The following IQCJ variants were observed in gnomAD, a reference collection of about 807,000 sequenced individuals.
IQCJ encodes the protein IQ motif containing J.
Under a neutral mutation model 11.0 loss-of-function variants are expected in IQCJ, and 9 were observed. The observed-to-expected ratio is 0.82, with a 90% CI of 0.49 to 1.43. The LOEUF is 1.43. Among genes scored for constraint, IQCJ ranks in the 40% most tolerant of loss-of-function variants. IQCJ has a pLI of 0.00. For synonymous variants in IQCJ, 55 were observed against 51.3 expected, an observed-to-expected ratio of 1.07 and a Z score of -0.31; for missense variants, 146 against 133.2, an observed-to-expected ratio of 1.10 and a Z score of -0.47.
At chr3:159,156,220 T>C (rs1721514112) in intron 1 of IQCJ, among the ~76,000 whole-genome samples, 1 of 152,174 alleles carries the variant, frequency 6.6e-6, no homozygotes, top group Non-Finnish European at 1.5e-5. Flanking sequence ...AAGACAAAAC[T>C]AGATCCTGTT....
chr3:159,173,422 T>A (rs1722607446), intron 1 of IQCJ, among the ~76,000 whole-genome samples: 1 of 152,198 alleles, frequency 6.6e-6, no homozygotes, highest in African/African-American at 2.4e-5. Context: ...AGAAACGTGT[T>A]GATTTATAAA....
At chr3:159,217,655 A>G (rs116276640) in intron 1 of IQCJ, among the ~76,000 whole-genome samples, 1,531 of 152,144 alleles carry the variant, frequency 0.01, 18 homozygotes, top group African/African-American at 0.035. Flanking sequence ...ACATTCTTCT[A>G]CTTTGTTTCC....
At chr3:159,149,104 C>A (rs901676750) in intron 1 of IQCJ, among the ~76,000 whole-genome samples, 3 of 152,030 alleles carry the variant, frequency 2.0e-5, no homozygotes. Context: ...TAATTTTTAT[C>A]CAATCTACAT....
At chr3:159,242,267 C>A (rs1726968463) in intron 1 of IQCJ, among the ~76,000 whole-genome samples, 2 of 152,096 alleles carry the variant, frequency 1.3e-5, no homozygotes, top group South Asian at 4.2e-4. Flanking sequence ...TGATGGAAAA[C>A]CACTGAATTA....
At chr3:159,234,093 AT>A (rs1366716775) in intron 1 of IQCJ, among the ~76,000 whole-genome samples, 1 of 152,176 alleles carries the variant, frequency 6.6e-6, no homozygotes, top group African/African-American at 2.4e-5. Flanking sequence ...TACAGTTTAG[AT>A]TCTGGGATCA....
intron 1 of IQCJ, among the ~76,000 whole-genome samples, chr3:159,196,773 T>G (rs931725874): frequency 6.6e-6 from 1 of 152,194 alleles, no homozygotes; most frequent in Admixed American, 6.5e-5. Flanking sequence ...CACTGAGATG[T>G]TATGTAACTT....
intron 1 of IQCJ, among the ~76,000 whole-genome samples, chr3:159,079,752 A>G (rs924282119): frequency 6.6e-6 from 1 of 152,128 alleles, no homozygotes; most frequent in Admixed American, 6.6e-5. Flanking sequence ...ATGGTTGCTT[A>G]GTATTTGATC....
At chr3:159,144,929 C>T (rs781501696) in intron 1 of IQCJ, among the ~76,000 whole-genome samples, 1 of 152,176 alleles carries the variant, frequency 6.6e-6, no homozygotes, top group Non-Finnish European at 1.5e-5. Context: ...TCTTCTAGTA[C>T]TGCTCACAGA....
intron 1 of IQCJ, among the ~76,000 whole-genome samples, chr3:159,120,893 T>G (rs1719330147): frequency 6.6e-6 from 1 of 152,240 alleles, no homozygotes; most frequent in South Asian, 2.1e-4. Flanking sequence ...TTTCTGGGTT[T>G]ATATTCATTG....
At chr3:159,246,607 G>T (rs756789844) in intron 2 of IQCJ, among the ~76,000 whole-genome samples, 3 of 152,128 alleles carry the variant, frequency 2.0e-5, no homozygotes, top group Non-Finnish European at 4.4e-5. Flanking sequence ...TAGTCAAGCT[G>T]GTTGGGTGTC....
chr3:159,228,745 G>C (rs1475618298), intron 1 of IQCJ, among the ~76,000 whole-genome samples: 2 of 151,290 alleles, frequency 1.3e-5, no homozygotes, highest in Non-Finnish European at 2.9e-5. Context: ...GGAGCTTGCA[G>C]TGAGCCGAGA....
chr3:159,218,379 AAAAG>A (rs1288329080), intron 1 of IQCJ, among the ~76,000 whole-genome samples: 2 of 150,836 alleles, frequency 1.3e-5, no homozygotes, highest in Non-Finnish European at 3.0e-5. Context: ...GTATAAGAGA[AAAAG>A]AAACATATCA....
chr3:159,093,050 C>T (rs1444091400), intron 1 of IQCJ, among the ~76,000 whole-genome samples: 1 of 151,698 alleles, frequency 6.6e-6, no homozygotes, highest in East Asian at 1.9e-4. Flanking sequence ...GTAGTTCAAA[C>T]TTTGACTCCC....
intron 1 of IQCJ, among the ~76,000 whole-genome samples, chr3:159,168,952 TCATGACGATGAAGA>T (rs1367467715): frequency 6.9e-6 from 1 of 144,564 alleles, no homozygotes; most frequent in Non-Finnish European, 1.5e-5. Context: ...GCCATCATTC[TCATGACGATGAAGA>T]CATGATGATG....
intron 1 of IQCJ, among the ~76,000 whole-genome samples, chr3:159,128,847 A>G (rs1478053059): frequency 6.6e-6 from 1 of 152,132 alleles, no homozygotes; most frequent in African/African-American, 2.4e-5. Flanking sequence ...ACAATTCTTA[A>G]ATACTTCCTC....
chr3:159,104,131 T>G (rs1718100045), intron 1 of IQCJ, among the ~76,000 whole-genome samples: 1 of 152,334 alleles, frequency 6.6e-6, no homozygotes, highest in Middle Eastern at 3.4e-3. Context: ...GGCCATTTAC[T>G]CTTCCCCAAA....
At chr3:159,156,921 C>G (rs1721556605) in intron 1 of IQCJ, among the ~76,000 whole-genome samples, 2 of 152,170 alleles carry the variant, frequency 1.3e-5, no homozygotes, top group African/African-American at 4.8e-5. Flanking sequence ...AGGGGGCTTA[C>G]TAGACTATTT....
chr3:159,243,511 C>G (rs1727058730), intron 1 of IQCJ, among the ~76,000 whole-genome samples: 1 of 152,118 alleles, frequency 6.6e-6, no homozygotes, highest in Non-Finnish European at 1.5e-5. Flanking sequence ...GTTAATTAAG[C>G]TGGACACAAA....
At chr3:159,160,638 C>T (rs180714469) in intron 1 of IQCJ, among the ~76,000 whole-genome samples, 3,022 of 151,118 alleles carry the variant, frequency 0.02, 103 homozygotes, top group African/African-American at 0.071. Context: ...CCCATTAACT[C>T]GTCATTTAGC....
Sources: gnomAD v4.1 joint callset for allele counts (sites outside exome capture counted in the v4.1 genomes callset) on GRCh38, gnomAD v4.1.1 for gene constraint, MANE v1.5 for transcripts, NCBI Gene and HGNC (gene_info 2026-07-23, HGNC 2026-07-21) for gene names.